The following INSYN1 variants were observed in gnomAD, a reference collection of about 807,000 sequenced individuals.
The protein encoded by INSYN1 is inhibitory synaptic factor 1, also known as UPF0583 protein C15orf59.
In INSYN1, 7 loss-of-function variants were observed where a neutral mutation model predicts 17.1. That is an observed-to-expected ratio of 0.41 (90% CI 0.23 to 0.77). The LOEUF is 0.77. Among genes scored for constraint, INSYN1 ranks in the 30% least tolerant of loss-of-function variants. INSYN1 has a pLI of 0.32. For synonymous variants in INSYN1, 174 were observed against 166.3 expected (o/e 1.05, Z -0.36); for missense variants, 339 against 400.6 (o/e 0.85, Z 1.31).
chr15:73,740,461 C>T lies in INSYN1; in HGVS notation c.338G>A (p.Cys113Tyr). 2 of 1,613,952 alleles carry T rather than the reference C, an allele frequency of 1.2e-6. No individual in the cohort carries two copies. Among genetic ancestry groups the T allele is most frequent in the Non-Finnish European group, 1.7e-6 (2 of 1,180,032 alleles). ...GGGGGTAGAGACGTCCAGGAAGGAGCAGAACTCCCAGCTGTCTGAGAGGAT... is the reference window on the plus strand; with the variant it reads ...GGGGGTAGAGACGTCCAGGAAGGAGTAGAACTCCCAGCTGTCTGAGAGGAT... ...ADILSDSWEF[C>Y]SFLDVSTPSD... is the part of the protein sequence containing the mutation. The change falls in exon 3 of 3, where the codon TGC (cysteine) becomes TAC (tyrosine). Residue 113 changes from cysteine (C) to tyrosine (Y), a missense_variant. Physicochemically the swap from Cys to Tyr is radical, Grantham distance 194 (BLOSUM62 -2). Coordinates refer to ENST00000569673, the MANE Select transcript of INSYN1 (RefSeq NM_001039614.3).
In INSYN1 at chr15:73,739,541, C is replaced by G. The variant is rs1252338411; in HGVS notation, c.*376G>C. 1 of 152,390 alleles carries G rather than the reference C, an allele frequency of 6.6e-6. No individual in the cohort carries two copies. Among genetic ancestry groups the G allele is most frequent in the Non-Finnish European group, 1.5e-5 (1 of 68,232 alleles). The allele number at this position is 152,390 out of a possible 1,614,324, so 9.4% of individuals were successfully genotyped here. A position where few individuals can be genotyped will look rare whatever the true frequency, so the allele number is the denominator to read the frequency against. The stretch of plus-strand genomic sequence containing the variant: ...AAGGGACACCACTCCCTTTAGAGCC[C>G]GCCTCCTGCAGGGGAGTCCCCTCTA... On this transcript the variant is annotated 3_prime_UTR_variant, in exon 3 of 3. Transcript: ENST00000569673.
In INSYN1 at chr15:73,740,409, C is replaced by G; in HGVS notation, c.390G>C (p.Ser130=). ...AGTCAGGGCCAGCCCCTGGCCGAGT[C>G]GACTCGGGACCATCCACGGAGTCCG... The part of the protein sequence containing the change: ...TPSDSVDGPE[S]TRPGAGPDYR... The change falls in exon 3 of 3, where the codon TCG becomes TCC. Residue 130 remains serine, a synonymous_variant. Transcript: ENST00000569673. 6.2e-7 allele frequency: 1 copy of G among 1,610,740 alleles called. No homozygotes were observed. The highest frequency in any genetic ancestry group is 8.5e-7 in the Non-Finnish European group (1 of 1,178,468).
chr15:73,740,369 C>A lies in INSYN1; in HGVS notation c.430G>T (p.Gly144Cys). The A allele has an allele frequency of 1.2e-6, 2 of 1,606,894 alleles. No individual in the cohort carries two copies. The highest frequency in any genetic ancestry group is 2.2e-5 in the East Asian group (1 of 44,822). Residue 144 changes from glycine to cysteine, a missense_variant, in exon 3 of 3, where the codon GGT (glycine) becomes TGT (cysteine). By Grantham distance (159) the Gly-to-Cys change is radical. Transcript: ENST00000569673. ...GAGPDYRLMN[G>C]GTPIPNGPRV... ...GGCCCATTGGGGATGGGCGTGCCAC[C>A]ATTCATGAGGCGGTAGTCAGGGCCA...
chr15:73,751,086 G>A lies in INSYN1; in HGVS notation c.45C>T (p.Asp15=), dbSNP rs559423546. Residue 15 remains aspartate, a synonymous_variant, in exon 2 of 3, where the codon GAC becomes GAT. Coordinates refer to ENST00000569673, the MANE Select transcript of INSYN1 (RefSeq NM_001039614.3). ...GAPDLGQPSD[D]PSSGGERERI... is the part of the protein sequence containing the mutation. ...GCTCCCGCTCACCACCACTGCTGGG[G>A]TCGTCACTGGGCTGCCCGAGGTCCG... 1.9e-6 allele frequency: 3 copies of A among 1,614,036 alleles called. No homozygotes were observed. The Admixed American group carries it at 5.0e-5, about 27-fold the overall frequency.
chr15:73,748,282 G>A (rs989506953), intron 2 of INSYN1, among the ~76,000 whole-genome samples: 2 of 152,178 alleles, frequency 1.3e-5, no homozygotes, highest in Non-Finnish European at 2.9e-5. Context: ...GCATCAGGGG[G>A]CTGGGGAAGG....
chr15:73,739,959 C>T lies in INSYN1; in HGVS notation c.840G>A (p.Leu280=), dbSNP rs143388295. 90 of 1,598,212 alleles carry T rather than the reference C, an allele frequency of 5.6e-5. No homozygotes were observed. Among genetic ancestry groups the T allele is most frequent in the Non-Finnish European group, 7.4e-5 (87 of 1,173,536 alleles). The stretch of plus-strand genomic sequence containing the variant: ...CTTTCTGTCTAGTGGCTGTGTAGGG[C>T]AGAACCGTCTGCGTGCTCTTGTCTG... ...TVSDKSTQTV[L]PYTATRQKAR... Residue 280 remains leucine, a synonymous_variant, in exon 3 of 3, where the codon CTG becomes CTA. Coordinates refer to ENST00000569673, the MANE Select transcript of INSYN1 (RefSeq NM_001039614.3).
At position 73,752,603 on chromosome 15, in the gene INSYN1, G is replaced by A. The variant is rs1460425366; in HGVS notation, c.-1061C>T. 1 of 152,186 alleles carries A rather than the reference G, an allele frequency of 6.6e-6. No individual in the cohort carries two copies. Among genetic ancestry groups the A allele is most frequent in the African/African-American group, 2.4e-5 (1 of 41,424 alleles). 9.4% of individuals were successfully genotyped at this position (152,186 alleles called of 1,614,324 possible). ...TGCCCTGCCCTACCCCGCCCGGAGT[G>A]AGCTGGCACCGCCGGGCGCCCGGGA... On this transcript the variant is annotated 5_prime_UTR_variant, in exon 1 of 3. Coordinates refer to ENST00000569673, the MANE Select transcript of INSYN1 (RefSeq NM_001039614.3). This position sits in a 1 kb window ranked among gnomAD's most constrained non-coding sequence, Gnocchi z 5.2.
chr15:73,737,928 G>C lies in INSYN1; in HGVS notation c.*1989C>G. The stretch of plus-strand genomic sequence containing the variant: ...TCCCACCTCCCTGCTCTGAGCGAGG[G>C]GCTGTGAATCAAGCTGCAGTCAACT... On this transcript the variant is annotated 3_prime_UTR_variant, in exon 3 of 3. Transcript: ENST00000569673. 1 of 152,242 alleles carries C rather than the reference G, an allele frequency of 6.6e-6. No homozygotes were observed. The highest frequency in any genetic ancestry group is 1.9e-4 in the East Asian group (1 of 5,186). The allele number at this position is 152,242 out of a possible 1,614,324, so 9.4% of individuals were successfully genotyped here.
intron 2 of INSYN1, among the ~76,000 whole-genome samples, chr15:73,741,939 C>G (rs1199410339): frequency 6.6e-6 from 1 of 152,214 alleles, no homozygotes; most frequent in Non-Finnish European, 1.5e-5. Context: ...GCCAGAGTGG[C>G]TTGGGCCAGT....
intron 2 of INSYN1, among the ~76,000 whole-genome samples, chr15:73,747,367 G>A (rs1901863141): frequency 6.6e-6 from 1 of 152,166 alleles, no homozygotes; most frequent in South Asian, 2.1e-4. Flanking sequence ...GCCAGGATGT[G>A]GTCCTGACCT....
Position 73,740,411 on chromosome 15 carries a change from A to C in INSYN1, c.388T>G (p.Ser130Ala), listed in dbSNP as rs372773637. Reference sequence around the variant, plus strand: ...TCAGGGCCAGCCCCTGGCCGAGTCGACTCGGGACCATCCACGGAGTCCGAG... The same window carrying C: ...TCAGGGCCAGCCCCTGGCCGAGTCGCCTCGGGACCATCCACGGAGTCCGAG... ...TPSDSVDGPESTRPGAGPDYR... is the reference protein window; with the variant it reads ...TPSDSVDGPEATRPGAGPDYR... Residue 130 changes from serine (S) to alanine (A), a missense_variant, in exon 3 of 3, where the codon TCG (serine) becomes GCG (alanine). Coordinates refer to ENST00000569673, the MANE Select transcript of INSYN1 (RefSeq NM_001039614.3). 7.6e-5 allele frequency: 123 copies of C among 1,612,302 alleles called. No individual in the cohort carries two copies. Among genetic ancestry groups the C allele is most frequent in the Admixed American group, 2.3e-4 (14 of 59,880 alleles).
At position 73,750,994 on chromosome 15, in the gene INSYN1, A is replaced by G; in HGVS notation, c.137T>C (p.Val46Ala). ...LEGILRELKE[V>A]AKELREVVSQ... ...ACTTACCTCCCTCAGCTCCTTGGCC[A>G]CCTCCTTGAGCTCGCGAAGGATGCC... The change falls in exon 2 of 3, where the codon GTG (valine) becomes GCG (alanine). Residue 46 changes from valine to alanine, a missense_variant. Transcript: ENST00000569673. 6.2e-7 allele frequency: 1 copy of G among 1,613,802 alleles called. No homozygotes were observed. The highest frequency in any genetic ancestry group is 8.5e-7 in the Non-Finnish European group (1 of 1,179,958).
Position 73,751,438 on chromosome 15 carries a change from G to A in INSYN1, c.-308C>T, listed in dbSNP as rs1262520760. The A allele has an allele frequency of 9.7e-6, 4 of 413,722 alleles. No homozygotes were observed. Among genetic ancestry groups the A allele is most frequent in the Non-Finnish European group, 1.8e-5 (4 of 220,970 alleles). 25.6% of individuals were successfully genotyped at this position (413,722 alleles called of 1,614,324 possible). ...GCCTCCAGGTCTTGAAGTGCCTGTG[G>A]GTGTGCAGAGCTGATCTCTGCCTGA... is the stretch of plus-strand genomic sequence containing the variant. On this transcript the variant is annotated 5_prime_UTR_variant, in exon 2 of 3. Coordinates refer to ENST00000569673, the MANE Select transcript of INSYN1 (RefSeq NM_001039614.3).
At chr15:73,750,004 C>T (rs972974427) in intron 2 of INSYN1, among the ~76,000 whole-genome samples, 1 of 152,164 alleles carries the variant, frequency 6.6e-6, no homozygotes, top group Admixed American at 6.5e-5. Context: ...CACAGCTGGC[C>T]AGGGAGAGCT....
At chr15:73,742,283 A>G (rs1429129280) in intron 2 of INSYN1, among the ~76,000 whole-genome samples, 1 of 152,194 alleles carries the variant, frequency 6.6e-6, no homozygotes, top group Non-Finnish European at 1.5e-5. Flanking sequence ...GTCTTTTGGA[A>G]GATCACAGAA....
At chr15:73,744,042 T>C (rs1901762054) in intron 2 of INSYN1, among the ~76,000 whole-genome samples, 1 of 152,044 alleles carries the variant, frequency 6.6e-6, no homozygotes, top group Admixed American at 6.6e-5. Flanking sequence ...AGGAGAATTC[T>C]AGTAATACCT....
chr15:73,748,073 G>A (rs151058474), intron 2 of INSYN1, among the ~76,000 whole-genome samples: 3 of 152,168 alleles, frequency 2.0e-5, no homozygotes, highest in Non-Finnish European at 2.9e-5. Flanking sequence ...TGATCCCCGC[G>A]CCCCCAGCCC....
chr15:73,751,024 A>AGCT lies in INSYN1; in HGVS notation c.104_106dup (p.Gln35dup). On this transcript the variant is annotated inframe_insertion, in exon 2 of 3. Transcript: ENST00000569673. ...CTTGAGCTCGCGAAGGATGCCCTCA[A>AGCT]GCTGCCCGATGACCATCTTCATGCG... The AGCT allele has an allele frequency of 1.2e-6, 2 of 1,614,068 alleles. No individual in the cohort carries two copies. Among genetic ancestry groups the AGCT allele is most frequent in the Non-Finnish European group, 1.7e-6 (2 of 1,180,018 alleles).
At chr15:73,750,844 GA>G in intron 2 of INSYN1, 130 bp downstream of exon 2, 1 of 1,002,104 alleles carries the variant, frequency 1.0e-6, no homozygotes, top group Non-Finnish European at 1.5e-6. Context: ...CAAGGAGAAA[GA>G]AGGTCCCCAG....
Sources: gnomAD v4.1 joint callset for allele counts (sites outside exome capture counted in the v4.1 genomes callset) on GRCh38, gnomAD v4.1.1 for gene constraint, Gnocchi (gnomAD v3.1) non-coding constraint, MANE v1.5 for transcripts, NCBI Gene and HGNC (gene_info 2026-07-23, HGNC 2026-07-21) for gene names.